Variants in HOMER1 observed in about 807,000 individuals in gnomAD.
HOMER1 encodes homer scaffold protein 1.
Under a neutral mutation model 48.9 loss-of-function variants are expected in HOMER1, and 3 were observed. The observed-to-expected ratio is 0.06, with a 90% CI of 0.03 to 0.16. HOMER1 has a LOEUF of 0.16. Ranked by LOEUF, HOMER1 falls within the 10% of genes least tolerant of loss-of-function variation. The pLI, the probability that HOMER1 is intolerant of heterozygous loss-of-function variation, is 1.00. For missense variants in HOMER1, 247 were observed against 411.4 expected, an observed-to-expected ratio of 0.60 and a Z score of 3.46; for synonymous variants, 134 against 146.4, an observed-to-expected ratio of 0.92 and a Z score of 0.61.
chr5:79,500,927 T>TGTG (rs1752559296), intron 1 of HOMER1, among the ~76,000 whole-genome samples: 2 of 124,324 alleles, frequency 1.6e-5, no homozygotes, highest in African/African-American at 7.3e-5. Context: ...ACCCAGCCAT[T>TGTG]TGTGTGTGTG....
chr5:79,466,341 C>G (rs1751462973), intron 1 of HOMER1, among the ~76,000 whole-genome samples: 1 of 151,842 alleles, frequency 6.6e-6, no homozygotes, highest in Non-Finnish European at 1.5e-5. Flanking sequence ...ATGGGGAAAC[C>G]CCATCTCTAC....
intron 5 of HOMER1, among the ~76,000 whole-genome samples, chr5:79,435,521 A>AC (rs1750550491): frequency 6.6e-6 from 1 of 152,228 alleles, no homozygotes; most frequent in African/African-American, 2.4e-5. Flanking sequence ...CTCTGCTAAA[A>AC]CACATATTGG....
intron 1 of HOMER1, among the ~76,000 whole-genome samples, chr5:79,509,589 G>A (rs1370807301): frequency 6.6e-6 from 1 of 152,094 alleles, no homozygotes; most frequent in Non-Finnish European, 1.5e-5. Context: ...TTAATTTTTA[G>A]GGGATCTGAT....
At chr5:79,435,363 TCTGA>T (rs930882821) in intron 5 of HOMER1, among the ~76,000 whole-genome samples, 7 of 152,216 alleles carry the variant, frequency 4.6e-5, no homozygotes, top group Non-Finnish European at 7.3e-5. Flanking sequence ...TCTTAACTAA[TCTGA>T]CTGACTAGAT....
Position 79,373,606 on chromosome 5 carries a change from C to T in HOMER1, c.*2403G>A, listed in dbSNP as rs987145814. The T allele has an allele frequency of 6.6e-6, 1 of 151,884 alleles. No individual in the cohort carries two copies. The highest frequency in any genetic ancestry group is 1.5e-5 in the Non-Finnish European group (1 of 67,862). 9.4% of individuals were successfully genotyped at this position (151,884 alleles called of 1,614,324 possible). Reference sequence around the variant, plus strand: ...ACTTGTGGATGATGATTTCTACATACTCTCCTACTGTAAATGAATAGTTAA... The same window carrying T: ...ACTTGTGGATGATGATTTCTACATATTCTCCTACTGTAAATGAATAGTTAA... On this transcript the variant is annotated 3_prime_UTR_variant, in exon 9 of 9. Transcript: ENST00000334082.
intron 6 of HOMER1, among the ~76,000 whole-genome samples, chr5:79,398,271 A>G (rs1056049586): frequency 2.6e-5 from 4 of 151,732 alleles, no homozygotes; most frequent in African/African-American, 9.7e-5. Context: ...TATACCATCT[A>G]AAACTAGAAT....
At chr5:79,482,941 TG>T (rs1751986839) in intron 1 of HOMER1, among the ~76,000 whole-genome samples, 1 of 152,148 alleles carries the variant, frequency 6.6e-6, no homozygotes, top group African/African-American at 2.4e-5. Context: ...AGGTTGAGGC[TG>T]CAGTGAGCCG....
At chr5:79,467,901 A>G (rs936464509) in intron 1 of HOMER1, among the ~76,000 whole-genome samples, 1 of 152,096 alleles carries the variant, frequency 6.6e-6, no homozygotes, top group African/African-American at 2.4e-5. Flanking sequence ...CTTAGCCTCC[A>G]GAGTAGCTGG....
rs1163246902 is a variant in HOMER1, at chr5:79,446,791, CCA to C, written c.387+260_387+261del. ...TAGCTGAGACCACAGGCTTGCACCACCACACTTGGCTAATTTTTTTTTTTTTT... is the reference window on the plus strand; with the variant it reads ...TAGCTGAGACCACAGGCTTGCACCACCACTTGGCTAATTTTTTTTTTTTTT... On this transcript the variant is annotated intron_variant, in intron 4 of 8. Coordinates refer to ENST00000334082, the MANE Select transcript of HOMER1 (RefSeq NM_004272.5). 1.3e-4 allele frequency among the ~76,000 whole-genome samples: 19 copies of C among 150,056 alleles called. 1 individual carries two copies. Among genetic ancestry groups the C allele is most frequent in the Admixed American group, 5.4e-4 (8 of 14,832 alleles).
chr5:79,439,326 C>T (rs1328280865), intron 4 of HOMER1, among the ~76,000 whole-genome samples, 177 bp from the exon 5 acceptor site: 3 of 152,060 alleles, frequency 2.0e-5, no homozygotes, highest in African/African-American at 7.2e-5. Flanking sequence ...TTATTCATGG[C>T]AAGCTAGGAG....
chr5:79,436,842 C>A (rs867261388), intron 5 of HOMER1, among the ~76,000 whole-genome samples: 1 of 152,130 alleles, frequency 6.6e-6, no homozygotes. Context: ...CTGATTAATA[C>A]TGATTAATGT....
intron 1 of HOMER1, among the ~76,000 whole-genome samples, chr5:79,466,057 T>C (rs1297858888): frequency 3.3e-5 from 5 of 152,156 alleles, no homozygotes; most frequent in Non-Finnish European, 7.3e-5. Flanking sequence ...CCTCATTCAA[T>C]GCACATTTAA....
intron 1 of HOMER1, among the ~76,000 whole-genome samples, chr5:79,503,115 T>G (rs1295826531): frequency 1.3e-5 from 2 of 152,018 alleles, no homozygotes; most frequent in Non-Finnish European, 2.9e-5. Context: ...CCTCAAAAAC[T>G]TTACTCATAA....
intron 1 of HOMER1, among the ~76,000 whole-genome samples, chr5:79,502,021 AT>A (rs10674187): frequency 0.029 from 3,771 of 129,978 alleles, 118 homozygotes; most frequent in African/African-American, 0.095. Flanking sequence ...GGTCCTGATA[AT>A]TTTTTTTTTT....
intron 5 of HOMER1, among the ~76,000 whole-genome samples, chr5:79,429,440 A>G (rs1481345443): frequency 6.6e-6 from 1 of 152,206 alleles, no homozygotes; most frequent in African/African-American, 2.4e-5. Context: ...GACTCCAGAA[A>G]TAAACCCTCA....
chr5:79,458,552 G>A (rs1427316071), intron 1 of HOMER1, among the ~76,000 whole-genome samples: 2 of 152,010 alleles, frequency 1.3e-5, no homozygotes, highest in Non-Finnish European at 2.9e-5. Context: ...ATAAAAGGTT[G>A]GGTGACTCCT....
intron 1 of HOMER1, among the ~76,000 whole-genome samples, chr5:79,480,670 T>C (rs1751920786): frequency 6.6e-6 from 1 of 152,250 alleles, no homozygotes; most frequent in Admixed American, 6.5e-5. Flanking sequence ...TTTATTTCTT[T>C]GATTAGGCCA....
intron 1 of HOMER1, among the ~76,000 whole-genome samples, chr5:79,502,559 A>G (rs1752625663): frequency 6.6e-6 from 1 of 152,204 alleles, no homozygotes; most frequent in Non-Finnish European, 1.5e-5. Flanking sequence ...GTTTTTATGC[A>G]TATACAGAAT....
chr5:79,497,059 C>CAA (rs5868996), intron 1 of HOMER1, among the ~76,000 whole-genome samples: 1,334 of 50,888 alleles, frequency 0.026, 27 homozygotes, highest in African/African-American at 0.065. Context: ...GACTTTGTCT[C>CAA]AAAAAAAAAA....
Sources: gnomAD v4.1 joint callset for allele counts (sites outside exome capture counted in the v4.1 genomes callset) on GRCh38, gnomAD v4.1.1 for gene constraint, MANE v1.5 for transcripts, NCBI Gene and HGNC (gene_info 2026-07-23, HGNC 2026-07-21) for gene names.